ALG2: variants seen among roughly 807,000 people sequenced by gnomAD.
ALG2 encodes ALG2 alpha-1,3/1,6-mannosyltransferase, also known as alpha-1,3/1,6-mannosyltransferase ALG2.
In ALG2, 32 loss-of-function variants were observed where a neutral mutation model predicts 30.5. The observed-to-expected ratio is 1.05, with a 90% confidence interval of 0.79 to 1.41. The LOEUF is 1.41. Among genes scored for constraint, ALG2 ranks in the 40% most tolerant of loss-of-function variants. The pLI, the probability that ALG2 is intolerant of heterozygous loss-of-function variation, is 0.00. For missense variants in ALG2, 574 were observed against 526.4 expected (o/e 1.09, Z -0.88); for synonymous variants, 253 against 224.8 (o/e 1.13, Z -1.12).
rs1378138905 is a variant in ALG2 at position 99,218,721 on chromosome 9, T to C, written c.464A>G (p.Tyr155Cys). The stretch of plus-strand genomic sequence containing the variant: ...CTCTATCCAGTCAATTGGGGCCCTG[T>C]ATAGTCGTTTAAGAAAAGAATCTCT... ...TKRDSFLKRL[Y>C]RAPIDWIEEY... The change falls in exon 2 of 2, where the codon TAC becomes TGC. Residue 155 changes from tyrosine (Y) to cysteine (C), a missense_variant. By Grantham distance (194) the Tyr-to-Cys change is radical (BLOSUM62 -2). Coordinates refer to ENST00000476832, the MANE Select transcript of ALG2 (RefSeq NM_033087.4). The C allele has an allele frequency of 6.2e-7, 1 of 1,614,160 alleles. No individual in the cohort carries two copies. Among genetic ancestry groups the C allele is most frequent in the Non-Finnish European group, 8.5e-7 (1 of 1,180,030 alleles).
At chr9:99,220,612 C>A (rs1208135255) in intron 1 of ALG2, among the ~76,000 whole-genome samples, 1 of 152,046 alleles carries the variant, frequency 6.6e-6, no homozygotes, top group Non-Finnish European at 1.5e-5. Context: ...GCACTCCAGC[C>A]TGGGAGACAG....
chr9:99,218,438 C>T lies in ALG2; in HGVS notation c.747G>A (p.Gln249=). The T allele has an allele frequency of 5.0e-6, 8 of 1,614,220 alleles. No individual in the cohort carries two copies. The highest frequency in any genetic ancestry group is 6.8e-6 in the Non-Finnish European group (8 of 1,180,038). ...CTTGGGATGTCAATCTTCCACGCAG[C>T]TGTACTAGGGCTTCCAGTGCCAAAG... ...NLTLALEALV[Q]LRGRLTSQDW... The change falls in exon 2 of 2, where the codon CAG becomes CAA. Residue 249 remains glutamine, a synonymous_variant. Transcript: ENST00000476832.
At chr9:99,221,352 C>G (rs1828796831) in intron 1 of ALG2, among the ~76,000 whole-genome samples, 195 bp downstream of exon 1, 1 of 152,222 alleles carries the variant, frequency 6.6e-6, no homozygotes, top group Admixed American at 6.5e-5. Flanking sequence ...GGATGGAACC[C>G]CAGCAATCTG....
Position 99,218,191 on chromosome 9 carries a change from G to A in ALG2, c.994C>T (p.Leu332=). 2 of 1,613,728 alleles carry A rather than the reference G, an allele frequency of 1.2e-6. No homozygotes were observed. Among genetic ancestry groups the A allele is most frequent in the South Asian group, 2.2e-5 (2 of 91,076 alleles). ...GGGCACTGCATGTACATGGCTTCCA[G>A]AGGGACAATGCCAAAGTGCTCATTG... ...PSNEHFGIVP[L]EAMYMQCPVI... The change falls in exon 2 of 2, where the codon CTG becomes TTG. Residue 332 remains leucine, a synonymous_variant. Transcript: ENST00000476832.
In ALG2 at chr9:99,221,940, T is replaced by C; in HGVS notation, c.-46A>G. 1 of 1,524,604 alleles carries C rather than the reference T, an allele frequency of 6.6e-7. No homozygotes were observed. 94.4% of individuals were successfully genotyped at this position (1,524,604 alleles called of 1,614,324 possible). ...ACCCCGCACCCTGATGGGGGTCTTC[T>C]GCGCAAGCTCCGCGCTCGTAGCTCC... On this transcript the variant is annotated 5_prime_UTR_variant, in exon 1 of 2. Coordinates refer to ENST00000476832, the MANE Select transcript of ALG2 (RefSeq NM_033087.4).
chr9:99,221,715 G>T lies in ALG2; in HGVS notation c.180C>A (p.Phe60Leu), dbSNP rs777441526. The T allele has an allele frequency of 6.3e-7, 1 of 1,596,734 alleles. No homozygotes were observed. The highest frequency in any genetic ancestry group is 8.5e-7 in the Non-Finnish European group (1 of 1,178,456). Residue 60 changes from phenylalanine (F) to leucine (L), a missense_variant, in exon 1 of 2, where the codon TTC becomes TTA. Coordinates refer to ENST00000476832, the MANE Select transcript of ALG2 (RefSeq NM_033087.4). ...WTAHYDPGHC[F>L]AESRELPVRC... Reference sequence around the variant, plus strand: ...GCACCGGTAGCTCGCGGCTCTCGGCGAAACAGTGGCCCGGGTCGTAGTGCG... The same window carrying T: ...GCACCGGTAGCTCGCGGCTCTCGGCTAAACAGTGGCCCGGGTCGTAGTGCG...
chr9:99,221,002 C>A, intron 1 of ALG2: 1 of 1,352,650 alleles, frequency 7.4e-7, no homozygotes, highest in Non-Finnish European at 9.8e-7. Context: ...TTGAACTTTT[C>A]TCCAAAAACC....
At chr9:99,220,453 G>C (rs749717563) in intron 1 of ALG2, among the ~76,000 whole-genome samples, 10 of 151,990 alleles carry the variant, frequency 6.6e-5, no homozygotes, top group Non-Finnish European at 1.5e-4. Context: ...TGGGCGGATC[G>C]CGAGGTCAGG....
chr9:99,217,561 A>C lies in ALG2; in HGVS notation c.*373T>G. Reference sequence around the variant, plus strand: ...CTGCTCTCATTATACTATGAAGCCAAATTAATCAACTTTGATAATGATACA... The same window carrying C: ...CTGCTCTCATTATACTATGAAGCCACATTAATCAACTTTGATAATGATACA... On this transcript the variant is annotated 3_prime_UTR_variant, in exon 2 of 2. Transcript: ENST00000476832. The C allele has an allele frequency of 2.2e-6, 1 of 459,122 alleles. No individual in the cohort carries two copies. Among genetic ancestry groups the C allele is most frequent in the Non-Finnish European group, 4.3e-6 (1 of 230,026 alleles). The allele number at this position is 459,122 out of a possible 1,614,324, so 28.4% of individuals were successfully genotyped here.
In ALG2 at chr9:99,216,902, T is replaced by TGCCTTA. The variant is rs1412696226; in HGVS notation, c.*1031_*1032insTAAGGC. 1 of 454,018 alleles carries TGCCTTA rather than the reference T, an allele frequency of 2.2e-6. No homozygotes were observed. The highest frequency in any genetic ancestry group is 4.4e-6 in the Non-Finnish European group (1 of 226,812). The allele number at this position is 454,018 out of a possible 1,614,324, so 28.1% of individuals were successfully genotyped here. ...TAGTAAGCTTTGCTACTTCTGGAAA[T>TGCCTTA]GAATTTAGCCTTAGAAGTATGTTGA... is the stretch of plus-strand genomic sequence containing the variant. On this transcript the variant is annotated 3_prime_UTR_variant, in exon 2 of 2. Coordinates refer to ENST00000476832, the MANE Select transcript of ALG2 (RefSeq NM_033087.4).
chr9:99,221,825 G>A lies in ALG2; in HGVS notation c.70C>T (p.Leu24=), dbSNP rs143683491. 8 of 1,597,056 alleles carry A rather than the reference G, an allele frequency of 5.0e-6. No individual in the cohort carries two copies. The highest frequency in any genetic ancestry group is 6.8e-6 in the Non-Finnish European group (8 of 1,179,106). ...KPSVLFLHPD[L]GVGGAERLVL... ...AGCCGCTCAGCGCCGCCCACGCCCA[G>A]GTCTGGGTGGAGGAACAGCACCGAC... is the stretch of plus-strand genomic sequence containing the variant. Residue 24 remains leucine, a synonymous_variant, in exon 1 of 2, where the codon CTG becomes TTG. Coordinates refer to ENST00000476832, the MANE Select transcript of ALG2 (RefSeq NM_033087.4).
At chr9:99,221,404 C>T in intron 1 of ALG2, 143 bp downstream of exon 1, 1 of 1,013,534 alleles carries the variant, frequency 9.9e-7, no homozygotes, top group Non-Finnish European at 1.4e-6. Context: ...GAACCACAGG[C>T]TCGCTCACAA....
chr9:99,221,527 CG>C lies in ALG2; in HGVS notation c.348+19del. The C allele has an allele frequency of 4.5e-6, 7 of 1,541,020 alleles. No individual in the cohort carries two copies. Among genetic ancestry groups the C allele is most frequent in the Non-Finnish European group, 5.2e-6 (6 of 1,145,808 alleles). ...ACGGCGAGGTCCGCACTCGCGCAGCCGGCCCCGCGGCCGCCTCACCTGGTCG... is the reference window on the plus strand; with the variant it reads ...ACGGCGAGGTCCGCACTCGCGCAGCCGCCCCGCGGCCGCCTCACCTGGTCG... On this transcript the variant is annotated intron_variant, in intron 1 of 1. Coordinates refer to ENST00000476832, the MANE Select transcript of ALG2 (RefSeq NM_033087.4).
In ALG2 at chr9:99,217,059, G is replaced by A. The variant is rs907718068; in HGVS notation, c.*875C>T. On this transcript the variant is annotated 3_prime_UTR_variant, in exon 2 of 2. Transcript: ENST00000476832. ...GAAGATAACTTCTGGCTTGGGAGGT[G>A]GCCAGAGGGTCAAAGAAAGCTTTGC... 2.2e-6 allele frequency: 1 copy of A among 454,018 alleles called. No homozygotes were observed. The highest frequency in any genetic ancestry group is 2.0e-5 in the African/African-American group (1 of 50,014). The allele number at this position is 454,018 out of a possible 1,614,324, so 28.1% of individuals were successfully genotyped here.
In ALG2 at chr9:99,217,937, T is replaced by C. The variant is rs1828721761; in HGVS notation, c.1248A>G (p.Val416=). The change falls in exon 2 of 2, where the codon GTA becomes GTG. Residue 416 remains valine (V), a synonymous_variant. Coordinates refer to ENST00000476832, the MANE Select transcript of ALG2 (RefSeq NM_033087.4). The part of the protein sequence containing the change: ...QLYRYVTKLL[V] ...GGAGATCTTAAAAACAATCTGATTA[T>C]ACCAGCAGTTTGGTAACATATCGGT... 1 of 1,614,208 alleles carries C rather than the reference T, an allele frequency of 6.2e-7. No homozygotes were observed.
chr9:99,218,145 C>G lies in ALG2; in HGVS notation c.1040G>C (p.Gly347Ala). 1 of 1,611,084 alleles carries G rather than the reference C, an allele frequency of 6.2e-7. No individual in the cohort carries two copies. Among genetic ancestry groups the G allele is most frequent in the Non-Finnish European group, 8.5e-7 (1 of 1,177,700 alleles). Residue 347 changes from glycine to alanine, a missense_variant, in exon 2 of 2, where the codon GGT (glycine) becomes GCT (alanine). By Grantham distance (60) the Gly-to-Ala change is moderately conservative. Transcript: ENST00000476832. ...MQCPVIAVNS[G>A]GPLESIDHSV... ...GTGGTCAATGGACTCCAAGGGTCCA[C>G]CCGAATTAACAGCAATGACTGGGCA...
chr9:99,221,543 T>C lies in ALG2; in HGVS notation c.348+4A>G. 1 of 1,543,088 alleles carries C rather than the reference T, an allele frequency of 6.5e-7. No individual in the cohort carries two copies. Among genetic ancestry groups the C allele is most frequent in the East Asian group, 2.4e-5 (1 of 40,878 alleles). On this transcript the variant is annotated splice_donor_region_variant and intron_variant, in intron 1 of 1. Coordinates refer to ENST00000476832, the MANE Select transcript of ALG2 (RefSeq NM_033087.4). ...TCGCGCAGCCGGCCCCGCGGCCGCC[T>C]CACCTGGTCGCACACTACCACGTCG... is the stretch of plus-strand genomic sequence containing the variant.
In ALG2 at chr9:99,218,795, C is replaced by T. The variant is rs375986920; in HGVS notation, c.390G>A (p.Arg130=). 5.0e-5 allele frequency: 81 copies of T among 1,609,470 alleles called. No homozygotes were observed. The highest frequency in any genetic ancestry group is 1.6e-4 in the Middle Eastern group (1 of 6,082). The change falls in exon 2 of 2, where the codon CGG becomes CGA. Residue 130 remains arginine, a synonymous_variant. Coordinates refer to ENST00000476832, the MANE Select transcript of ALG2 (RefSeq NM_033087.4). ...AGTGACAGTAAAATAGGATCTTCTT[C>T]CGCCGTCTAGCCAGCCTGAACACTG... is the stretch of plus-strand genomic sequence containing the variant. ...CIPVFRLARR[R]KKILFYCHFP...
Position 99,221,917 on chromosome 9 carries a change from C to A in ALG2, c.-23G>T, listed in dbSNP as rs1399206617. ...CATGGCCCTGGAGCCGCAACTGCAC[C>A]CCGCACCCTGATGGGGGTCTTCTGC... On this transcript the variant is annotated 5_prime_UTR_variant, in exon 1 of 2. Transcript: ENST00000476832. 3.2e-6 allele frequency: 5 copies of A among 1,569,580 alleles called. No homozygotes were observed. Among genetic ancestry groups the A allele is most frequent in the Non-Finnish European group, 4.3e-6 (5 of 1,164,290 alleles).
Sources: gnomAD v4.1 joint callset for allele counts (sites outside exome capture counted in the v4.1 genomes callset) on GRCh38, gnomAD v4.1.1 for gene constraint, MANE v1.5 for transcripts, NCBI Gene and HGNC (gene_info 2026-07-23, HGNC 2026-07-21) for gene names.